RGS22: variants seen among roughly 807,000 people sequenced by gnomAD.
The protein encoded by RGS22 is regulator of G protein signaling 22.
In RGS22, 148 loss-of-function variants were observed where a neutral mutation model predicts 172.9. That is an observed-to-expected ratio of 0.86 (90% CI 0.75 to 0.98). RGS22 has a LOEUF of 0.98. Ranked by LOEUF, RGS22 falls within the 50% of genes least tolerant of loss-of-function variation. RGS22 has a pLI of 0.00. For missense variants in RGS22, 1,347 were observed against 1,440.8 expected (o/e 0.93, Z 1.05); for synonymous variants, 458 against 480.2 (o/e 0.95, Z 0.60).
chr8:100,080,061 G>T lies in RGS22; in HGVS notation c.339+73C>A, dbSNP rs1586230250. 3 of 1,039,010 alleles carry T rather than the reference G, an allele frequency of 2.9e-6. No individual in the cohort carries two copies. In the East Asian group the frequency reaches 7.1e-5, roughly 25 times the overall value. The allele number at this position is 1,039,010 out of a possible 1,614,324, so 64.4% of individuals were successfully genotyped here. On this transcript the variant is annotated intron_variant, in intron 4 of 27. Coordinates refer to ENST00000360863, the MANE Select transcript of RGS22 (RefSeq NM_015668.5). ...ATGTAGCTACACTTCAAAAAGGGAA[G>T]CCTAAGTAAACTCATGTTAATTTCA...
intron 3 of RGS22, among the ~76,000 whole-genome samples, chr8:100,083,336 G>A (rs952387108): frequency 1.3e-4 from 20 of 152,144 alleles, no homozygotes; most frequent in Admixed American, 1.3e-3. Flanking sequence ...ACATGCAGAG[G>A]CCAGGGCAGT....
intron 14 of RGS22, among the ~76,000 whole-genome samples, chr8:100,015,761 T>G (rs1816881933): frequency 1.3e-5 from 2 of 152,170 alleles, no homozygotes; most frequent in Admixed American, 1.3e-4. Flanking sequence ...AACTTCCATC[T>G]CAAGAAACAT....
intron 23 of RGS22, among the ~76,000 whole-genome samples, chr8:99,977,270 A>ATTTT (rs895569407): frequency 7.5e-5 from 9 of 120,390 alleles, no homozygotes; most frequent in African/African-American, 1.9e-4. Flanking sequence ...CGCCCGGTTA[A>ATTTT]TTTTTTTTTT....
chr8:100,010,220 G>C (rs1038168324), intron 14 of RGS22, among the ~76,000 whole-genome samples: 7 of 152,010 alleles, frequency 4.6e-5, no homozygotes, highest in African/African-American at 1.7e-4. Context: ...AGGCACAGTG[G>C]CTCACACCTG....
chr8:100,017,963 G>A (rs995954459), intron 14 of RGS22, among the ~76,000 whole-genome samples: 2 of 152,134 alleles, frequency 1.3e-5, no homozygotes, highest in African/African-American at 4.8e-5. Flanking sequence ...ACACACAGCT[G>A]TGGCCAACAT....
At chr8:100,102,562 T>C (rs1299503072) in intron 2 of RGS22, among the ~76,000 whole-genome samples, 3 of 152,244 alleles carry the variant, frequency 2.0e-5, no homozygotes, top group Admixed American at 6.5e-5. Context: ...AATCTGGTTA[T>C]AAACTGCTCT....
At chr8:99,990,571 T>C (rs1250066699) in intron 20 of RGS22, among the ~76,000 whole-genome samples, 2 of 152,168 alleles carry the variant, frequency 1.3e-5, no homozygotes, top group Non-Finnish European at 2.9e-5. Flanking sequence ...ATGCATATGG[T>C]TCTTGGGCAA....
intron 3 of RGS22, among the ~76,000 whole-genome samples, chr8:100,086,211 A>C (rs1299428083): frequency 1.3e-5 from 2 of 152,188 alleles, no homozygotes. Flanking sequence ...AGCACAAAAT[A>C]ATAGGTTACA....
At chr8:100,011,137 T>C (rs954520289) in intron 14 of RGS22, among the ~76,000 whole-genome samples, 1 of 151,878 alleles carries the variant, frequency 6.6e-6, no homozygotes, top group Non-Finnish European at 1.5e-5. Context: ...AGGAAAGAGG[T>C]GAATAAGAGA....
chr8:100,069,679 C>A (rs1034148138), intron 6 of RGS22, among the ~76,000 whole-genome samples: 1 of 152,144 alleles, frequency 6.6e-6, no homozygotes, highest in African/African-American at 2.4e-5. Flanking sequence ...TTGGAATGAA[C>A]AATGAAACCA....
chr8:100,038,896 T>C, intron 14 of RGS22, 35 bp downstream of exon 14: 1 of 1,361,076 alleles, frequency 7.3e-7, no homozygotes, highest in Non-Finnish European at 1.0e-6. Flanking sequence ...GTGTACTTAG[T>C]GCTTCACATT....
At chr8:100,052,764 A>G in intron 10 of RGS22, 38 bp downstream of exon 10, 1 of 1,572,330 alleles carries the variant, frequency 6.4e-7, no homozygotes, top group Non-Finnish European at 8.7e-7. Context: ...ATTTTACTAC[A>G]AACTTAGTAG....
chr8:99,984,154 T>C (rs1036204404), intron 21 of RGS22, among the ~76,000 whole-genome samples: 1 of 151,920 alleles, frequency 6.6e-6, no homozygotes, highest in Non-Finnish European at 1.5e-5. Flanking sequence ...GGTGTGGTGG[T>C]GCATGCCTGT....
At chr8:100,031,506 T>C (rs1167202967) in intron 14 of RGS22, among the ~76,000 whole-genome samples, 1 of 152,178 alleles carries the variant, frequency 6.6e-6, no homozygotes, top group Non-Finnish European at 1.5e-5. Flanking sequence ...ATTACTACAT[T>C]TTCCATATAA....
In RGS22 at chr8:100,052,113, A is replaced by ATATATATTTATATATAAATGTT; in HGVS notation, c.1689+688_1689+689insAACATTTATATATAAATATATA. Among the ~76,000 whole-genome samples the ATATATATTTATATATAAATGTT allele has an allele frequency of 8.9e-5, 2 of 22,434 alleles. 1 individual carries two copies. 14.7% of individuals were successfully genotyped at this position (22,434 alleles called of 152,430 possible). A position where few individuals can be genotyped will look rare whatever the true frequency, so the allele number is the denominator to read the frequency against. ...TTTATATATTTATATATAAATGTTT[A>ATATATATTTATATATAAATGTT]TATATATTTATATATAAATATATAA... is the stretch of plus-strand genomic sequence containing the variant. On this transcript the variant is annotated intron_variant, in intron 10 of 27. Transcript: ENST00000360863.
chr8:99,980,799 C>T (rs890354926), intron 22 of RGS22, among the ~76,000 whole-genome samples: 2 of 152,156 alleles, frequency 1.3e-5, no homozygotes, highest in Non-Finnish European at 2.9e-5. Context: ...GACTCAAGGC[C>T]TTTGGTATCG....
At chr8:100,034,025 A>G (rs770047547) in intron 14 of RGS22, among the ~76,000 whole-genome samples, 43 of 152,256 alleles carry the variant, frequency 2.8e-4, no homozygotes, top group Non-Finnish European at 4.9e-4. Context: ...ATGGGCAAAA[A>G]CTGGAAGCAT....
chr8:100,005,490 A>C (rs1244604401), intron 16 of RGS22, among the ~76,000 whole-genome samples: 1 of 152,142 alleles, frequency 6.6e-6, no homozygotes, highest in Non-Finnish European at 1.5e-5. Context: ...TATTATGTTT[A>C]CTTAGCCAAT....
At chr8:99,983,381 C>A (rs894880745) in intron 21 of RGS22, among the ~76,000 whole-genome samples, 1 of 152,188 alleles carries the variant, frequency 6.6e-6, no homozygotes, top group Non-Finnish European at 1.5e-5. Context: ...AATCTCCAGA[C>A]TGCTTTCCAC....
Sources: allele counts gnomAD v4.1 joint callset (sites outside exome capture counted in the v4.1 genomes callset), GRCh38; gene constraint gnomAD v4.1.1; transcripts MANE v1.5; gene names NCBI Gene and HGNC (gene_info 2026-07-23, HGNC 2026-07-21).